Variants in SLC28A2 observed in about 807,000 individuals in gnomAD.
SLC28A2 encodes the protein solute carrier family 28 member 2.
Under a neutral mutation model 72.9 loss-of-function variants are expected in SLC28A2, and 69 were observed. The ratio of observed to expected loss-of-function variants is 0.95; its 90% CI spans 0.78 to 1.16. SLC28A2 has a LOEUF of 1.16. Ranked by LOEUF, SLC28A2 falls within the 50% of genes most tolerant of loss-of-function variation. SLC28A2 has a pLI of 0.00. For missense variants in SLC28A2, 745 were observed against 791.1 expected, an observed-to-expected ratio of 0.94 and a Z score of 0.70; for synonymous variants, 296 against 294.1, an observed-to-expected ratio of 1.01 and a Z score of -0.07.
rs1209100317 is a variant in SLC28A2 at position 45,267,753 on chromosome 15, G to A, written c.1156G>A (p.Glu386Lys). ...AAAGCTAGCGTATCCGGAAGTGGAG[G>A]AGTCCAAGTTCAAGAGTGAGGAGGG... The part of the protein sequence containing the change: ...SSKLAYPEVE[E>K]SKFKSEEGVK... Residue 386 changes from glutamate to lysine, a missense_variant, in exon 12 of 18, where the codon GAG becomes AAG. Physicochemically the swap from Glu to Lys is moderately conservative, Grantham distance 56 (BLOSUM62 1). Coordinates refer to ENST00000347644, the MANE Select transcript of SLC28A2 (RefSeq NM_004212.4). 2 of 1,614,092 alleles carry A rather than the reference G, an allele frequency of 1.2e-6. No homozygotes were observed. The highest frequency in any genetic ancestry group is 1.1e-5 in the South Asian group (1 of 91,070).
chr15:45,263,635 T>C (rs1900231489), intron 5 of SLC28A2, among the ~76,000 whole-genome samples: 1 of 152,236 alleles, frequency 6.6e-6, no homozygotes, highest in Non-Finnish European at 1.5e-5. Flanking sequence ...TTATGCTTTT[T>C]TTCTCTCTAG....
intron 14 of SLC28A2, 52 bp downstream of exon 14, chr15:45,269,587 T>G: frequency 6.6e-7 from 1 of 1,510,054 alleles, no homozygotes; most frequent in Non-Finnish European, 9.2e-7. Flanking sequence ...GCCATGGTTA[T>G]CTGAGGGTAG....
In SLC28A2 at chr15:45,263,937, C is replaced by A; in HGVS notation, c.503C>A (p.Ala168Asp). The A allele has an allele frequency of 6.2e-7, 1 of 1,613,544 alleles. No homozygotes were observed. Among genetic ancestry groups the A allele is most frequent in the Non-Finnish European group, 8.5e-7 (1 of 1,179,676 alleles). ...ATACTGTGGTTGGCTTTAGACACAGCCCAAAGGCCAGAGCAGCTGATCCCC... is the reference window on the plus strand; with the variant it reads ...ATACTGTGGTTGGCTTTAGACACAGACCAAAGGCCAGAGCAGCTGATCCCC... Reference protein sequence around the residue: ...GLILWLALDTAQRPEQLIPFA... With the variant: ...GLILWLALDTDQRPEQLIPFA... Residue 168 changes from alanine (A) to aspartate (D), a missense_variant, in exon 6 of 18, where the codon GCC becomes GAC. Coordinates refer to ENST00000347644, the MANE Select transcript of SLC28A2 (RefSeq NM_004212.4).
intron 15 of SLC28A2, among the ~76,000 whole-genome samples, chr15:45,271,008 A>T (rs1488127823): frequency 1.3e-5 from 2 of 152,216 alleles, no homozygotes; most frequent in Non-Finnish European, 2.9e-5. Context: ...TGGAAACACA[A>T]AGAATTAAAA....
chr15:45,268,215 A>G lies in SLC28A2; in HGVS notation c.1205A>G (p.Glu402Gly), dbSNP rs746622335. 1 of 1,600,994 alleles carries G rather than the reference A, an allele frequency of 6.2e-7. No homozygotes were observed. Among genetic ancestry groups the G allele is most frequent in the South Asian group, 1.1e-5 (1 of 90,732 alleles). The stretch of plus-strand genomic sequence containing the variant: ...CCTCTGCCCAATAACCACAGGAAGG[A>G]GAGGAATGTCCTGGAAGCTGCCAGC... ...EEGVKLPRGK[E>G]RNVLEAASNG... Residue 402 changes from glutamate (E) to glycine (G), a missense_variant, in exon 13 of 18, where the codon GAG becomes GGG. Transcript: ENST00000347644.
intron 13 of SLC28A2, among the ~76,000 whole-genome samples, 180 bp downstream of exon 13, chr15:45,268,558 C>T (rs1191586515): frequency 6.6e-6 from 1 of 152,198 alleles, no homozygotes; most frequent in East Asian, 1.9e-4. Flanking sequence ...AACACTTTTA[C>T]ACTGTTGGTA....
chr15:45,268,151 T>C, intron 12 of SLC28A2, 59 bp from the exon 13 acceptor site: 1 of 1,510,416 alleles, frequency 6.6e-7, no homozygotes, highest in Non-Finnish European at 9.0e-7. Context: ...ATTTCTCTTC[T>C]CTGAGGGGCT....
chr15:45,268,233 C>A lies in SLC28A2; in HGVS notation c.1223C>A (p.Ala408Asp). 6.2e-7 allele frequency: 1 copy of A among 1,607,766 alleles called. No homozygotes were observed. The highest frequency in any genetic ancestry group is 8.5e-7 in the Non-Finnish European group (1 of 1,174,700). Residue 408 changes from alanine (A) to aspartate (D), a missense_variant, in exon 13 of 18, where the codon GCT becomes GAT. Ala to Asp is a moderately radical substitution (Grantham distance 126). Coordinates refer to ENST00000347644, the MANE Select transcript of SLC28A2 (RefSeq NM_004212.4). ...AGGAAGGAGAGGAATGTCCTGGAAG[C>A]TGCCAGCAACGGAGCCGTAGATGCC... ...PRGKERNVLE[A>D]ASNGAVDAIG... is the part of the protein sequence containing the mutation.
At chr15:45,266,581 T>A (rs1900343953) in intron 10 of SLC28A2, among the ~76,000 whole-genome samples, 1 of 152,168 alleles carries the variant, frequency 6.6e-6, no homozygotes, top group South Asian at 2.1e-4. Context: ...CCCAGGCTCT[T>A]CCCCATAATA....
At chr15:45,266,804 C>T (rs1482281218) in intron 10 of SLC28A2, among the ~76,000 whole-genome samples, 1 of 152,158 alleles carries the variant, frequency 6.6e-6, no homozygotes, top group Non-Finnish European at 1.5e-5. Context: ...TATCCATAAT[C>T]AGCCTAGTTT....
At chr15:45,263,689 T>TA (rs1349323055) in intron 5 of SLC28A2, among the ~76,000 whole-genome samples, 192 bp from the exon 6 acceptor site, 1 of 152,300 alleles carries the variant, frequency 6.6e-6, no homozygotes, top group African/African-American at 2.4e-5. Context: ...TAAAATTCCT[T>TA]AGAGTTTAAA....
chr15:45,274,214 A>C (rs749964584), intron 17 of SLC28A2, among the ~76,000 whole-genome samples: 6 of 152,030 alleles, frequency 3.9e-5, no homozygotes, highest in Non-Finnish European at 7.4e-5. Context: ...TTTAAAAGTT[A>C]TGGGCTAGAC....
At chr15:45,271,580 G>GGAAGGAAA (rs1213126274) in intron 15 of SLC28A2, among the ~76,000 whole-genome samples, 2 of 145,200 alleles carry the variant, frequency 1.4e-5, no homozygotes, top group Non-Finnish European at 3.0e-5. Context: ...AAGAAGAAAA[G>GGAAGGAAA]GAAGGAAGGA....
chr15:45,268,190 C>T lies in SLC28A2; in HGVS notation c.1200-20C>T. On this transcript the variant is annotated intron_variant, in intron 12 of 17. Coordinates refer to ENST00000347644, the MANE Select transcript of SLC28A2 (RefSeq NM_004212.4). ...ACTGCTGTAGACACCCTACTCTTGCCCTCTGCCCAATAACCACAGGAAGGA... is the reference window on the plus strand; with the variant it reads ...ACTGCTGTAGACACCCTACTCTTGCTCTCTGCCCAATAACCACAGGAAGGA... The T allele has an allele frequency of 6.3e-7, 1 of 1,589,346 alleles. No homozygotes were observed. Among genetic ancestry groups the T allele is most frequent in the Non-Finnish European group, 8.6e-7 (1 of 1,160,536 alleles).
rs907543912 is a variant in SLC28A2 at position 45,262,237 on chromosome 15, T to G, written c.262+131T>G. The G allele has an allele frequency of 4.7e-6, 3 of 641,592 alleles. No homozygotes were observed. In the African/African-American group the frequency reaches 5.4e-5, roughly 12 times the overall value. The allele number at this position is 641,592 out of a possible 1,614,324, so 39.7% of individuals were successfully genotyped here. ...TAAAAAGCTATTTGATGTATCAATC[T>G]TAACTACTTGTAGGTGCACCATAAT... is the stretch of plus-strand genomic sequence containing the variant. On this transcript the variant is annotated intron_variant, in intron 4 of 17. Transcript: ENST00000347644.
chr15:45,255,095 A>T (rs1899935018), intron 3 of SLC28A2: 1 of 152,082 alleles, frequency 6.6e-6, no homozygotes, highest in Non-Finnish European at 1.5e-5. Flanking sequence ...CTCTACAAAA[A>T]TTTTTAAAAA....
At chr15:45,272,520 C>A in intron 16 of SLC28A2, 127 bp downstream of exon 16, 1 of 846,548 alleles carries the variant, frequency 1.2e-6, no homozygotes, top group Non-Finnish European at 1.9e-6. Context: ...TCATGACAGG[C>A]TGTCTTTCAG....
At position 45,272,682 on chromosome 15, in the gene SLC28A2, A is replaced by G. The variant is rs369987457; in HGVS notation, c.1757A>G (p.Tyr586Cys). Residue 586 changes from tyrosine (Y) to cysteine (C), a missense_variant, in exon 17 of 18, where the codon TAT (tyrosine) becomes TGT (cysteine). Coordinates refer to ENST00000347644, the MANE Select transcript of SLC28A2 (RefSeq NM_004212.4). ...TGTCTCCTTTATCCAGGAATCCTCT[A>G]TGTCCCCAGGGGAGCTGAAGCTGAC... ...LISACMAGILYVPRGAEADCV... is the reference protein window; with the variant it reads ...LISACMAGILCVPRGAEADCV... 1.9e-6 allele frequency: 3 copies of G among 1,589,254 alleles called. No homozygotes were observed. The highest frequency in any genetic ancestry group is 2.2e-5 in the East Asian group (1 of 44,764).
At position 45,267,713 on chromosome 15, in the gene SLC28A2, T is replaced by C. The variant is rs1254788951; in HGVS notation, c.1116T>C (p.Cys372=). 3.7e-6 allele frequency: 6 copies of C among 1,614,006 alleles called. No homozygotes were observed. The African/African-American group carries it at 5.3e-5, about 14-fold the overall frequency. ...CTGCCTCTGTGATGGCCGCCCCTTG[T>C]GCTCTCGCCTCATCAAAGCTAGCGT... ...LISASVMAAP[C]ALASSKLAYP... The change falls in exon 12 of 18, where the codon TGT becomes TGC. Residue 372 remains cysteine (C), a synonymous_variant. Coordinates refer to ENST00000347644, the MANE Select transcript of SLC28A2 (RefSeq NM_004212.4).
Sources: allele counts gnomAD v4.1 joint callset (sites outside exome capture counted in the v4.1 genomes callset), GRCh38; gene constraint gnomAD v4.1.1; transcripts MANE v1.5; gene names NCBI Gene and HGNC (gene_info 2026-07-23, HGNC 2026-07-21).